Variants in CD72 observed in about 807,000 individuals in gnomAD.
The protein encoded by CD72 is B-cell differentiation antigen CD72.
CD72 carries 28 observed loss-of-function variants against 50.7 expected under a neutral mutation model. The ratio of observed to expected loss-of-function variants is 0.55; its 90% CI spans 0.41 to 0.76. The LOEUF is 0.76. Ranked by LOEUF, CD72 falls within the 30% of genes least tolerant of loss-of-function variation. The pLI is 0.00. For missense variants in CD72, 403 were observed against 420.6 expected (o/e 0.96, Z 0.37); for synonymous variants, 176 against 171.2 (o/e 1.03, Z -0.22).
chr9:35,612,600 T>C (rs2131756459), intron 6 of CD72, among the ~76,000 whole-genome samples: 1 of 151,532 alleles, frequency 6.6e-6, no homozygotes, highest in African/African-American at 2.4e-5. Context: ...AAAAAAAATG[T>C]AGATATGGTT....
intron 7 of CD72, among the ~76,000 whole-genome samples, chr9:35,611,536 G>A (rs1321785036): frequency 6.6e-6 from 1 of 152,138 alleles, no homozygotes; most frequent in Non-Finnish European, 1.5e-5. Context: ...AATCCTTAAT[G>A]TCTCCCCCTA....
upstream of CD72, among the ~76,000 whole-genome samples, chr9:35,620,814 CAAAAATAAAA>C (rs564221434): frequency 6.6e-6 from 1 of 151,028 alleles, no homozygotes; most frequent in South Asian, 2.1e-4. Flanking sequence ...ACTCTGTCTC[CAAAAATAAAA>C]AAAAATAAAA....
chr9:35,624,822 G>A lies in CD72; in HGVS notation n.409-6701C>T, dbSNP rs137897760. Among the ~76,000 whole-genome samples the A allele has an allele frequency of 4.8e-3, 736 of 152,256 alleles. 6 individuals carry two copies. Among genetic ancestry groups the A allele is most frequent in the Non-Finnish European group, 6.5e-3 (442 of 68,026 alleles). On this transcript the variant is annotated intron_variant and non_coding_transcript_variant, in intron 1 of 3. Transcript: ENST00000465754. ...AACTTTTTTCATTATTATTGTATCT[G>A]TTATGGAGATCTGTGATCAGTGATT...
At chr9:35,615,255 C>T (rs1270665010) in intron 5 of CD72, among the ~76,000 whole-genome samples, 1 of 152,198 alleles carries the variant, frequency 6.6e-6, no homozygotes, top group Admixed American at 6.5e-5. Context: ...GACCCCCAAG[C>T]TAGACAGAGC....
chr9:35,610,798 C>G (rs745863770), intron 7 of CD72, 45 bp from the exon 8 acceptor site: 15 of 1,533,896 alleles, frequency 9.8e-6, no homozygotes, highest in Non-Finnish European at 1.3e-5. Context: ...TGGACATATC[C>G]CACCCTCCCT....
chr9:35,637,598 G>A (rs1823303378), intron 1 of CD72, among the ~76,000 whole-genome samples: 1 of 151,952 alleles, frequency 6.6e-6, no homozygotes, highest in Admixed American at 6.6e-5. Flanking sequence ...TTCCTCTCTA[G>A]TAGAGACAAA....
At position 35,612,970 on chromosome 9, in the gene CD72, T is replaced by TC; in HGVS notation, c.711dup (p.Ile238AspfsTer25). 1 of 1,613,250 alleles carries TC rather than the reference T, an allele frequency of 6.2e-7. No individual in the cohort carries two copies. Among genetic ancestry groups the TC allele is most frequent in the Non-Finnish European group, 8.5e-7 (1 of 1,179,364 alleles). ...TAAAAGCAGCTTTTCTGATGCATTATCCATCCCGACGGACAGCAGGTGTCT... is the reference window on the plus strand; with the variant it reads ...TAAAAGCAGCTTTTCTGATGCATTATCCCATCCCGACGGACAGCAGGTGTCT... On this transcript the variant is annotated frameshift_variant, in exon 6 of 9. Coordinates refer to ENST00000259633, the MANE Select transcript of CD72 (RefSeq NM_001782.3). LOFTEE classifies it high-confidence loss of function.
chr9:35,615,544 G>A (rs1222010407), intron 5 of CD72, among the ~76,000 whole-genome samples: 1 of 151,970 alleles, frequency 6.6e-6, no homozygotes, highest in East Asian at 1.9e-4. Context: ...TACCCTTTGG[G>A]GAGATCTCAG....
intron 1 of CD72, among the ~76,000 whole-genome samples, chr9:35,639,577 A>G (rs774492873): frequency 2.6e-5 from 4 of 152,256 alleles, no homozygotes; most frequent in Non-Finnish European, 5.9e-5. Flanking sequence ...GAAAAGGCCA[A>G]TTTTGATGAC....
chr9:35,610,533 TCTGAGTCCCTGC>T, intron 8 of CD72, 57 bp downstream of exon 8: 1 of 276,040 alleles, frequency 3.6e-6, no homozygotes, highest in Non-Finnish European at 5.0e-6. Flanking sequence ...GGGCCCCTGC[TCTGAGTCCCTGC>T]TCTGAGTCCC....
Position 35,610,585 on chromosome 9 carries a change from C to G in CD72, c.*22+17G>C, listed in dbSNP as rs772291979. On this transcript the variant is annotated intron_variant, in intron 8 of 8. Coordinates refer to ENST00000259633, the MANE Select transcript of CD72 (RefSeq NM_001782.3). ...CCCCTGGACTCCCCATGCCTCAGCC[C>G]CATCCCTCACTCTTACCAACTCAGT... 2 of 1,602,852 alleles carry G rather than the reference C, an allele frequency of 1.2e-6. No individual in the cohort carries two copies. The highest frequency in any genetic ancestry group is 1.7e-5 in the Admixed American group (1 of 59,448).
intron 2 of CD72, 107 bp from the exon 3 acceptor site, chr9:35,617,354 C>A: frequency 7.7e-7 from 1 of 1,291,480 alleles, no homozygotes; most frequent in Non-Finnish European, 1.1e-6. Flanking sequence ...GTCTGCCCTA[C>A]GTTGCCTGCT....
At chr9:35,625,945 G>A (rs574626358) in intron 1 of CD72, among the ~76,000 whole-genome samples, 1 of 152,054 alleles carries the variant, frequency 6.6e-6, no homozygotes, top group South Asian at 2.1e-4. Flanking sequence ...TTGGCAATGT[G>A]CCTAGTCACC....
At chr9:35,611,368 G>A (rs1822981652) in intron 7 of CD72, among the ~76,000 whole-genome samples, 1 of 152,180 alleles carries the variant, frequency 6.6e-6, no homozygotes, top group African/African-American at 2.4e-5. Flanking sequence ...TCACAGTGAA[G>A]TGGAGCTTCG....
At chr9:35,621,573 T>C (rs1169397146), upstream of CD72, among the ~76,000 whole-genome samples, 1 of 152,252 alleles carries the variant, frequency 6.6e-6, no homozygotes, top group Non-Finnish European at 1.5e-5. Flanking sequence ...CCTGTGACTA[T>C]GTCACTTTAC....
chr9:35,625,729 T>TG (rs1265104481), intron 1 of CD72, among the ~76,000 whole-genome samples: 3 of 152,210 alleles, frequency 2.0e-5, no homozygotes, highest in African/African-American at 7.2e-5. Context: ...GGCTTTAAGG[T>TG]GAAGCCAGTG....
chr9:35,640,962 G>T (rs1823334648), intron 1 of CD72, among the ~76,000 whole-genome samples: 1 of 152,198 alleles, frequency 6.6e-6, no homozygotes, highest in Non-Finnish European at 1.5e-5. Flanking sequence ...GATTGGTTGG[G>T]TGTGAGCTAA....
intron 1 of CD72, chr9:35,643,607 T>G (rs1006955802): frequency 6.6e-6 from 1 of 152,194 alleles, no homozygotes; most frequent in Admixed American, 6.5e-5. Context: ...CAGTACTAGA[T>G]TGACTTCTTA....
chr9:35,618,170 G>C (rs762852919), intron 1 of CD72, 49 bp from the exon 2 acceptor site: 1 of 1,606,482 alleles, frequency 6.2e-7, no homozygotes, highest in African/African-American at 1.3e-5. Flanking sequence ...AATGGGATCT[G>C]TGGGGCGGGA....
Sources: allele counts gnomAD v4.1 joint callset (sites outside exome capture counted in the v4.1 genomes callset), GRCh38; gene constraint gnomAD v4.1.1; transcripts MANE v1.5; gene names NCBI Gene and HGNC (gene_info 2026-07-23, HGNC 2026-07-21).